The following EBF1 variants were observed in gnomAD, a reference collection of about 807,000 sequenced individuals.
EBF1 encodes the protein EBF transcription factor 1, also known as transcription factor COE1.
Under a neutral mutation model 68.4 loss-of-function variants are expected in EBF1, and 10 were observed. The ratio of observed to expected loss-of-function variants is 0.15; its 90% CI spans 0.09 to 0.25. The LOEUF (loss-of-function observed/expected upper bound fraction) is 0.25, where lower values mean the gene tolerates loss of function less well. Ranked by LOEUF, EBF1 falls within the 10% of genes least tolerant of loss-of-function variation. EBF1 has a pLI of 1.00. For missense variants in EBF1, 509 were observed against 794.4 expected (o/e 0.64, Z 4.32); for synonymous variants, 298 against 299.8 (o/e 0.99, Z 0.06).
chr5:158,999,007 G>A (rs189822625), intron 6 of EBF1, among the ~76,000 whole-genome samples: 50 of 151,840 alleles, frequency 3.3e-4, no homozygotes, highest in Non-Finnish European at 5.9e-4. Flanking sequence ...GGTTCAGTCC[G>A]AATACCACAC....
At chr5:159,064,368 G>GA (rs938262215) in intron 6 of EBF1, among the ~76,000 whole-genome samples, 3 of 152,050 alleles carry the variant, frequency 2.0e-5, no homozygotes, top group African/African-American at 7.2e-5. Flanking sequence ...TGAGAAAAGG[G>GA]AAAAAAATCA....
At chr5:158,758,138 T>G (rs1770546824) in intron 10 of EBF1, among the ~76,000 whole-genome samples, 2 of 152,298 alleles carry the variant, frequency 1.3e-5, no homozygotes, top group South Asian at 2.1e-4. Context: ...TCTCCATTAT[T>G]GAGGTAAGAA....
chr5:159,097,269 T>G, intron 1 of EBF1, 139 bp from the exon 2 acceptor site: 2 of 964,222 alleles, frequency 2.1e-6, no homozygotes, highest in Non-Finnish European at 3.0e-6. Context: ...TCACGCCCCT[T>G]CAGGCGACAT....
intron 8 of EBF1, among the ~76,000 whole-genome samples, chr5:158,821,046 G>A (rs1353259160): frequency 1.3e-5 from 2 of 152,160 alleles, no homozygotes; most frequent in African/African-American, 4.8e-5. Flanking sequence ...GCAACAACTG[G>A]CTGGGGCCGA....
intron 15 of EBF1, among the ~76,000 whole-genome samples, chr5:158,704,628 T>C (rs1757472619): frequency 6.6e-6 from 1 of 151,770 alleles, no homozygotes; most frequent in African/African-American, 2.4e-5. Flanking sequence ...ATCCTTTTTT[T>C]CTTTTTTTTT....
At chr5:158,730,893 GT>G (rs1763961334) in intron 11 of EBF1, among the ~76,000 whole-genome samples, 175 bp downstream of exon 11, 1 of 152,166 alleles carries the variant, frequency 6.6e-6, no homozygotes, top group African/African-American at 2.4e-5. Context: ...TAAGCACAGT[GT>G]TGCCTGGCAC....
chr5:158,882,716 G>T (rs186798894), intron 6 of EBF1, among the ~76,000 whole-genome samples: 64 of 152,362 alleles, frequency 4.2e-4, no homozygotes, highest in Non-Finnish European at 1.5e-4. Flanking sequence ...ATTTGGGACT[G>T]GAAAGATGGT....
At chr5:159,004,714 C>T (rs1220277710) in intron 6 of EBF1, among the ~76,000 whole-genome samples, 2 of 152,158 alleles carry the variant, frequency 1.3e-5, no homozygotes, top group Non-Finnish European at 2.9e-5. Flanking sequence ...GAAGTCTCTG[C>T]ATCCACTGAA....
intron 6 of EBF1, among the ~76,000 whole-genome samples, chr5:158,882,428 T>C (rs1799072429): frequency 6.6e-6 from 1 of 152,180 alleles, no homozygotes; most frequent in South Asian, 2.1e-4. Context: ...CCACGTATTC[T>C]GGGCTGCAAT....
intron 10 of EBF1, among the ~76,000 whole-genome samples, chr5:158,767,469 T>C (rs1231278794): frequency 1.3e-5 from 2 of 152,160 alleles, no homozygotes; most frequent in Non-Finnish European, 2.9e-5. Context: ...GGAGGCTTAC[T>C]CAGTGCAGGC....
intron 6 of EBF1, among the ~76,000 whole-genome samples, chr5:158,846,384 C>T (rs961778239): frequency 6.6e-6 from 1 of 152,130 alleles, no homozygotes; most frequent in South Asian, 2.1e-4. Flanking sequence ...AGCCTACTGC[C>T]CAGAAATAGC....
At chr5:159,078,597 C>A (rs986751430) in intron 5 of EBF1, among the ~76,000 whole-genome samples, 5 of 152,182 alleles carry the variant, frequency 3.3e-5, no homozygotes, top group Non-Finnish European at 7.3e-5. Context: ...TCTTGCAAGG[C>A]TTGGAGTTTC....
At chr5:158,854,601 A>G (rs1793608322) in intron 6 of EBF1, among the ~76,000 whole-genome samples, 1 of 152,226 alleles carries the variant, frequency 6.6e-6, no homozygotes, top group Non-Finnish European at 1.5e-5. Flanking sequence ...TAATTTAATC[A>G]GAAGCAGTAA....
chr5:159,049,994 G>A (rs988399241), intron 6 of EBF1, among the ~76,000 whole-genome samples: 1 of 151,964 alleles, frequency 6.6e-6, no homozygotes, highest in African/African-American at 2.4e-5. Context: ...CACTAAATAA[G>A]GTTTAATTTC....
intron 6 of EBF1, among the ~76,000 whole-genome samples, chr5:158,941,790 C>G (rs1813473633): frequency 6.6e-6 from 1 of 152,098 alleles, no homozygotes; most frequent in Non-Finnish European, 1.5e-5. Flanking sequence ...GGTGATGAGT[C>G]CAAGGAGTAG....
At chr5:158,974,797 G>A (rs1405895788) in intron 6 of EBF1, among the ~76,000 whole-genome samples, 1 of 152,218 alleles carries the variant, frequency 6.6e-6, no homozygotes, top group African/African-American at 2.4e-5. Flanking sequence ...AGACTTCACT[G>A]AAGCTATTAA....
At chr5:158,915,995 CT>C (rs1197581033) in intron 6 of EBF1, among the ~76,000 whole-genome samples, 1 of 152,064 alleles carries the variant, frequency 6.6e-6, no homozygotes, top group Non-Finnish European at 1.5e-5. Flanking sequence ...CAGATCTTGC[CT>C]TTTCATGCCT....
rs192955174 is a variant in EBF1, at chr5:159,099,735, T to C, written c.-257A>G. The C allele has an allele frequency of 1.8e-3, 423 of 240,922 alleles. 1 individual carries two copies. Among genetic ancestry groups the C allele is most frequent in the African/African-American group, 9.3e-3 (381 of 41,078 alleles). The allele number at this position is 240,922 out of a possible 1,614,324, so 14.9% of individuals were successfully genotyped here. ...GGAAAATCCAACGAAAAGACCAAAA[T>C]AATAAAATTAGAGATGTATGCTTGG... On this transcript the variant is annotated 5_prime_UTR_variant, in exon 1 of 16. Coordinates refer to ENST00000313708, the MANE Select transcript of EBF1 (RefSeq NM_024007.5).
Position 158,713,071 on chromosome 5 carries a change from G to C in EBF1, c.1268C>G (p.Ala423Gly), listed in dbSNP as rs750855534. The part of the protein sequence containing the change: ...SVPRNHNQLP[A>G]LANTSVHAGM... Reference sequence around the variant, plus strand: ...TGCGTGGACCGAGGTGTTAGCAAGGGCCGGGAGTTGGTTGTGGTTGCGGGG... The same window carrying C: ...TGCGTGGACCGAGGTGTTAGCAAGGCCCGGGAGTTGGTTGTGGTTGCGGGG... Residue 423 changes from alanine (A) to glycine (G), a missense_variant, in exon 13 of 16, where the codon GCC (alanine) becomes GGC (glycine). Ala to Gly is a moderately conservative substitution (Grantham distance 60). Around this residue, in one of 3 missense-constraint regions of EBF1, gnomAD observed 205 missense variants for 247.4 expected, o/e 0.83. Transcript: ENST00000313708. 6.3e-7 allele frequency: 1 copy of C among 1,597,942 alleles called. No individual in the cohort carries two copies. The highest frequency in any genetic ancestry group is 1.3e-5 in the African/African-American group (1 of 74,398).
Sources: gnomAD v4.1 joint callset for allele counts (sites outside exome capture counted in the v4.1 genomes callset) on GRCh38, gnomAD v4.1.1 for gene constraint, gnomAD v4.1.1 regional missense constraint, MANE v1.5 for transcripts, NCBI Gene and HGNC (gene_info 2026-07-23, HGNC 2026-07-21) for gene names.